Variants in DHDDS observed in about 807,000 individuals in gnomAD.
The protein encoded by DHDDS is dehydrodolichyl diphosphate synthase complex subunit DHDDS.
In DHDDS, 16 loss-of-function variants were observed where a neutral mutation model predicts 46.2. That is an observed-to-expected ratio of 0.35 (90% CI 0.23 to 0.53). The LOEUF is 0.53. Among genes scored for constraint, DHDDS ranks in the 20% least tolerant of loss-of-function variants. The pLI, the probability that DHDDS is intolerant of heterozygous loss-of-function variation, is 0.94. For synonymous variants in DHDDS, 151 were observed against 163.1 expected (o/e 0.93, Z 0.56); for missense variants, 340 against 423.7 (o/e 0.80, Z 1.73).
chr1:26,440,544 C>T (rs760372901), intron 3 of DHDDS, among the ~76,000 whole-genome samples: 8 of 152,216 alleles, frequency 5.3e-5, no homozygotes, highest in Non-Finnish European at 4.4e-5. Context: ...GCATGTAGCA[C>T]AGGCCCTGAC....
intron 8 of DHDDS, 88 bp from the exon 9 acceptor site, chr1:26,468,807 C>CAGT: frequency 2.3e-5 from 27 of 1,186,196 alleles, no homozygotes; most frequent in Non-Finnish European, 3.1e-5. Flanking sequence ...TTGGCCCACC[C>CAGT]TGTGCCCCAC....
intron 8 of DHDDS, 136 bp downstream of exon 8, chr1:26,460,280 A>G (rs1196440104): frequency 2.7e-6 from 2 of 751,072 alleles, no homozygotes; most frequent in Non-Finnish European, 4.7e-6. Context: ...CCACCTACTG[A>G]GTATCTACTA....
At chr1:26,443,197 T>C (rs924702438) in intron 4 of DHDDS, 93 of 329,666 alleles carry the variant, frequency 2.8e-4, no homozygotes, top group African/African-American at 1.8e-3. Flanking sequence ...TTTCCACCTC[T>C]CTCTGCAGAC....
chr1:26,466,595 G>T lies in DHDDS; in HGVS notation c.766-2300G>T, dbSNP rs118041464. On this transcript the variant is annotated intron_variant, in intron 8 of 8. Transcript: ENST00000236342. ...AACTGCTAATTCCTGGCAGACAGGG[G>T]CCAGGCTCTGCCTGGGCTACAGCCC... 1.4e-3 allele frequency among the ~76,000 whole-genome samples: 215 copies of T among 152,322 alleles called. 1 individual carries two copies. Among genetic ancestry groups the T allele is most frequent in the East Asian group, 9.2e-3 (48 of 5,190 alleles).
intron 8 of DHDDS, chr1:26,467,638 T>C (rs2075505686): frequency 3.8e-6 from 1 of 260,586 alleles, no homozygotes; most frequent in South Asian, 4.1e-5. Flanking sequence ...TAAGATATTC[T>C]TTAAACCATG....
rs2075529250 is a variant in DHDDS, at chr1:26,469,360, A to AG, written c.*231dup. ...AGTCTCCCACGAGTACACTAAACCT[A>AG]GGTCTGGTCACCAATAGGGTTTGGA... On this transcript the variant is annotated 3_prime_UTR_variant, in exon 9 of 9. Transcript: ENST00000236342. 2 of 716,504 alleles carry AG rather than the reference A, an allele frequency of 2.8e-6. No homozygotes were observed. The highest frequency in any genetic ancestry group is 4.6e-6 in the Non-Finnish European group (2 of 436,456). 44.4% of individuals were successfully genotyped at this position (716,504 alleles called of 1,614,324 possible).
chr1:26,461,267 G>A (rs966872327), intron 8 of DHDDS, among the ~76,000 whole-genome samples: 5 of 152,098 alleles, frequency 3.3e-5, no homozygotes, highest in Non-Finnish European at 5.9e-5. Context: ...TTGGTATTGG[G>A]GTCCCTTTGA....
intron 8 of DHDDS, among the ~76,000 whole-genome samples, chr1:26,464,661 C>T (rs2075463697): frequency 6.6e-6 from 1 of 152,346 alleles, no homozygotes; most frequent in South Asian, 2.1e-4. Flanking sequence ...TTTCTCATGT[C>T]TCCCTTTTAC....
intron 3 of DHDDS, 66 bp downstream of exon 3, chr1:26,438,350 A>G: frequency 7.0e-7 from 1 of 1,438,480 alleles, no homozygotes; most frequent in Non-Finnish European, 9.8e-7. Flanking sequence ...CTAGAAAACC[A>G]GGCTCTGAGT....
At chr1:26,439,560 G>A (rs2075197241) in intron 3 of DHDDS, among the ~76,000 whole-genome samples, 1 of 151,904 alleles carries the variant, frequency 6.6e-6, no homozygotes, top group Non-Finnish European at 1.5e-5. Context: ...CCAACCTGGT[G>A]ACAGAGCAAG....
intron 3 of DHDDS, among the ~76,000 whole-genome samples, chr1:26,440,869 T>C (rs945132644): frequency 2.6e-5 from 4 of 152,158 alleles, no homozygotes; most frequent in Admixed American, 2.0e-4. Flanking sequence ...CCTCTCAACA[T>C]TGTTCTCCAC....
At chr1:26,451,847 C>T (rs1301466440) in intron 6 of DHDDS, among the ~76,000 whole-genome samples, 1 of 151,912 alleles carries the variant, frequency 6.6e-6, no homozygotes, top group East Asian at 1.9e-4. Flanking sequence ...CCAGGATGGT[C>T]TCGATCTCCT....
At chr1:26,446,204 C>G in intron 4 of DHDDS, 112 bp from the exon 5 acceptor site, 1 of 806,940 alleles carries the variant, frequency 1.2e-6, no homozygotes, top group Non-Finnish European at 2.1e-6. Flanking sequence ...AGAACAGGGT[C>G]TGACACACAG....
At position 26,470,932 on chromosome 1, in the gene DHDDS, C is replaced by T. The variant is rs919497394; in HGVS notation, c.*1801C>T. On this transcript the variant is annotated 3_prime_UTR_variant, in exon 9 of 9. Transcript: ENST00000236342. Reference sequence around the variant, plus strand: ...AGTCCTGTCTCCTGGGTCTGACTTTCCGTAATATGATTGGGGTACAGTAGA... The same window carrying T: ...AGTCCTGTCTCCTGGGTCTGACTTTTCGTAATATGATTGGGGTACAGTAGA... The T allele has an allele frequency of 1.3e-5, 2 of 152,572 alleles. No homozygotes were observed. Among genetic ancestry groups the T allele is most frequent in the African/African-American group, 4.8e-5 (2 of 41,414 alleles). 9.5% of individuals were successfully genotyped at this position (152,572 alleles called of 1,614,324 possible).
At chr1:26,451,267 A>C (rs1161217417) in intron 6 of DHDDS, among the ~76,000 whole-genome samples, 3 of 152,138 alleles carry the variant, frequency 2.0e-5, no homozygotes, top group Admixed American at 6.6e-5. Context: ...ATTCGAATTT[A>C]GACAAACCTG....
chr1:26,462,195 A>T (rs539027313), intron 8 of DHDDS, among the ~76,000 whole-genome samples: 2 of 150,314 alleles, frequency 1.3e-5, no homozygotes, highest in South Asian at 4.2e-4. Flanking sequence ...GATTTTTGTT[A>T]TTTTTTGTAG....
chr1:26,436,361 A>G (rs2075154869), intron 2 of DHDDS, among the ~76,000 whole-genome samples: 1 of 151,942 alleles, frequency 6.6e-6, no homozygotes, highest in Non-Finnish European at 1.5e-5. Context: ...AGATAACACC[A>G]CCACACTCCA....
At position 26,433,675 on chromosome 1, in the gene DHDDS, C is replaced by CAAAA. The variant is rs576315586; in HGVS notation, c.63+683_63+686dup. Among the ~76,000 whole-genome samples, 411 of 94,668 alleles carry CAAAA rather than the reference C, an allele frequency of 4.3e-3. 1 individual carries two copies. The highest frequency in any genetic ancestry group is 0.014 in the African/African-American group (394 of 28,634). The allele number at this position is 94,668 out of a possible 152,430, so 62.1% of individuals were successfully genotyped here. ...AAGAGTTCAGAACAAGACTCTGTCT[C>CAAAA]AAAAAAAAAAAAAAAAAAAGAGTTT... On this transcript the variant is annotated intron_variant, in intron 2 of 8. Coordinates refer to ENST00000236342, the MANE Select transcript of DHDDS (RefSeq NM_205861.3).
At chr1:26,442,682 C>T (rs1387428406) in intron 3 of DHDDS, 49 bp from the exon 4 acceptor site, 4 of 1,611,128 alleles carry the variant, frequency 2.5e-6, no homozygotes, top group Non-Finnish European at 3.4e-6. Context: ...TCTTATTTCC[C>T]CTTCCCACTC....
Sources: gnomAD v4.1 joint callset for allele counts (sites outside exome capture counted in the v4.1 genomes callset) on GRCh38, gnomAD v4.1.1 for gene constraint, MANE v1.5 for transcripts, NCBI Gene and HGNC (gene_info 2026-07-23, HGNC 2026-07-21) for gene names.